MAPRE2: variants seen among roughly 807,000 people sequenced by gnomAD.
MAPRE2 encodes microtubule-associated protein RP/EB family member 2.
A neutral mutation model predicts 43.2 loss-of-function variants in MAPRE2; 13 were observed. That is an observed-to-expected ratio of 0.30 (90% CI 0.20 to 0.48). MAPRE2 has a LOEUF of 0.48. Among genes scored for constraint, MAPRE2 ranks in the 20% least tolerant of loss-of-function variants. The probability of loss-of-function intolerance (pLI) is 0.99; values close to 1 mark genes in which losing one functional copy is unlikely to be tolerated. For synonymous variants in MAPRE2, 135 were observed against 148.8 expected (o/e 0.91, Z 0.68); for missense variants, 161 against 400.2 (o/e 0.40, Z 5.10).
At chr18:35,046,076 A>T (rs1049946310) in intron 1 of MAPRE2, among the ~76,000 whole-genome samples, 6 of 152,196 alleles carry the variant, frequency 3.9e-5, no homozygotes, top group Non-Finnish European at 8.8e-5. Context: ...TGATTTCCTT[A>T]TGCAGCATCT....
intron 2 of MAPRE2, among the ~76,000 whole-genome samples, chr18:35,006,807 A>G (rs1464599770): frequency 6.6e-6 from 1 of 152,214 alleles, no homozygotes; most frequent in Non-Finnish European, 1.5e-5. Context: ...TACTAAAAAT[A>G]TAAAAACTAG....
chr18:35,066,110 C>T (rs1340272018), intron 1 of MAPRE2, among the ~76,000 whole-genome samples: 1 of 152,168 alleles, frequency 6.6e-6, no homozygotes. Flanking sequence ...ATGACCTTAC[C>T]TTTCATAACC....
intron 1 of MAPRE2, among the ~76,000 whole-genome samples, chr18:34,977,550 C>A (rs2097013871): frequency 6.6e-6 from 1 of 152,150 alleles, no homozygotes; most frequent in African/African-American, 2.4e-5. Context: ...GCAGGGGCTG[C>A]GCGCTTGGGG....
rs188448267 is a variant in MAPRE2, at chr18:35,082,851, T to G, written c.250+12529T>G. Among the ~76,000 whole-genome samples the G allele has an allele frequency of 3.8e-3, 579 of 152,244 alleles. 3 individuals carry two copies. The highest frequency in any genetic ancestry group is 0.017 in the Middle Eastern group (5 of 294). ...GAACTAATATTTATGTATCTATATT[T>G]ATAAATATTACTAATATTTATGTAT... On this transcript the variant is annotated intron_variant, in intron 2 of 6. Coordinates refer to ENST00000300249, the MANE Select transcript of MAPRE2 (RefSeq NM_014268.4).
intron 2 of MAPRE2, among the ~76,000 whole-genome samples, chr18:35,012,496 C>A (rs922218150): frequency 6.6e-6 from 1 of 152,086 alleles, no homozygotes; most frequent in East Asian, 1.9e-4. Context: ...GGAAACAACC[C>A]AAGTGTCCAT....
At chr18:35,098,508 A>G (rs966168326) in intron 3 of MAPRE2, among the ~76,000 whole-genome samples, 2 of 152,234 alleles carry the variant, frequency 1.3e-5, no homozygotes, top group African/African-American at 2.4e-5. Context: ...TCTTATCAAT[A>G]TATTAAGAAA....
chr18:35,025,503 A>G (rs1285279900), intron 2 of MAPRE2, among the ~76,000 whole-genome samples: 1 of 152,150 alleles, frequency 6.6e-6, no homozygotes, highest in Non-Finnish European at 1.5e-5. Flanking sequence ...TTAATGATGT[A>G]CTCGATTGTA....
At chr18:35,044,845 T>C (rs570861) in intron 1 of MAPRE2, among the ~76,000 whole-genome samples, 24,478 of 152,160 alleles carry the variant, frequency 0.16, 2,122 homozygotes, top group East Asian at 0.31. Flanking sequence ...ATTTGCACCA[T>C]ATTGTTCATA....
intron 1 of MAPRE2, among the ~76,000 whole-genome samples, chr18:34,986,164 A>G (rs547516861): frequency 2.0e-5 from 3 of 152,222 alleles, no homozygotes; most frequent in Admixed American, 1.3e-4. Context: ...ACCTGAAACT[A>G]TTTACTGCAC....
At position 35,141,214 on chromosome 18, in the gene MAPRE2, A is replaced by G. The variant is rs1392882053; in HGVS notation, c.*845A>G. 6.6e-6 allele frequency: 1 copy of G among 152,012 alleles called. No individual in the cohort carries two copies. Among genetic ancestry groups the G allele is most frequent in the African/African-American group, 2.4e-5 (1 of 41,376 alleles). 9.4% of individuals were successfully genotyped at this position (152,012 alleles called of 1,614,324 possible). A position where few individuals can be genotyped will look rare whatever the true frequency, so the allele number is the denominator to read the frequency against. ...CAGTTTTCTGCAGTCCAAAGAGGGT[A>G]TGGTTAGGTACGGGTCTTCCTGCCT... On this transcript the variant is annotated 3_prime_UTR_variant, in exon 7 of 7. Transcript: ENST00000300249.
At chr18:35,007,967 C>G (rs1169267666) in intron 2 of MAPRE2, among the ~76,000 whole-genome samples, 1 of 152,136 alleles carries the variant, frequency 6.6e-6, no homozygotes, top group Admixed American at 6.5e-5. Flanking sequence ...AGTGGGCCAA[C>G]TGGGGGACTT....
chr18:35,140,247 C>G, intron 6 of MAPRE2, 48 bp from the exon 7 acceptor site: 1 of 1,542,708 alleles, frequency 6.5e-7, no homozygotes, highest in South Asian at 1.1e-5. Context: ...GCTGCAGGGC[C>G]CCATTCCCAG....
At chr18:35,009,257 G>T (rs1247037140) in intron 2 of MAPRE2, among the ~76,000 whole-genome samples, 1 of 152,094 alleles carries the variant, frequency 6.6e-6, no homozygotes, top group Non-Finnish European at 1.5e-5. Context: ...GGAATACTCA[G>T]GGATGGTGAG....
At chr18:35,017,244 G>GTTTTTTTTTTTTTTTT (rs140257488) in intron 2 of MAPRE2, among the ~76,000 whole-genome samples, 1 of 126,280 alleles carries the variant, frequency 7.9e-6, no homozygotes, top group East Asian at 2.2e-4. Context: ...CGGTTTTGTT[G>GTTTTTTTTTTTTTTTT]TTTTTTTTTT....
At position 35,014,208 on chromosome 18, in the gene MAPRE2, G is replaced by A. The variant is rs563907843; in HGVS notation, c.-8+8655G>A. Among the ~76,000 whole-genome samples, 274 of 152,162 alleles carry A rather than the reference G, an allele frequency of 1.8e-3. 2 individuals are homozygous for A. Among genetic ancestry groups the A allele is most frequent in the Non-Finnish European group, 3.1e-3 (210 of 67,992 alleles). The stretch of plus-strand genomic sequence containing the variant: ...AGTCAGATGCAAGGCCATCTGCTAA[G>A]GGAAGAGAAGGTGGTAGGGTCGGAG... On this transcript the variant is annotated intron_variant, in intron 2 of 7. Transcript: ENST00000413393.
At chr18:35,064,031 A>AAAAAAAAAAAAAAAAAC (rs1906703904) in intron 1 of MAPRE2, among the ~76,000 whole-genome samples, 1 of 142,410 alleles carries the variant, frequency 7.0e-6, no homozygotes, top group Non-Finnish European at 1.5e-5. Flanking sequence ...AAAAAAAAAA[A>AAAAAAAAAAAAAAAAAC]AATCTGGCCA....
At chr18:35,129,400 T>C (rs193169595) in intron 5 of MAPRE2, among the ~76,000 whole-genome samples, 109 of 152,256 alleles carry the variant, frequency 7.2e-4, no homozygotes, top group African/African-American at 2.5e-3. Context: ...TGAAGCACAG[T>C]CATCACTGAG....
At chr18:35,129,154 CCT>C (rs1322432403) in intron 5 of MAPRE2, among the ~76,000 whole-genome samples, 1 of 152,190 alleles carries the variant, frequency 6.6e-6, no homozygotes, top group African/African-American at 2.4e-5. Context: ...TGTGCCTGCC[CCT>C]GTCTGTCCCT....
chr18:35,041,726 T>TTA, intron 1 of MAPRE2, 65 bp downstream of exon 1: 1 of 1,612,144 alleles, frequency 6.2e-7, no homozygotes, highest in Non-Finnish European at 8.5e-7. Flanking sequence ...ATCCAGCCCG[T>TTA]TATATAATGG....
Sources: gnomAD v4.1 joint callset for allele counts (sites outside exome capture counted in the v4.1 genomes callset) on GRCh38, gnomAD v4.1.1 for gene constraint, MANE v1.5 for transcripts, NCBI Gene and HGNC (gene_info 2026-07-23, HGNC 2026-07-21) for gene names.